Variants in ZC3H6 observed in about 807,000 individuals in gnomAD.
ZC3H6 encodes zinc finger CCCH-type containing 6, also known as zinc finger CCCH domain-containing protein 6.
In ZC3H6, 40 loss-of-function variants were observed where a neutral mutation model predicts 107.7. The observed-to-expected ratio is 0.37, with a 90% CI of 0.29 to 0.48. The LOEUF is 0.48. ZC3H6 is among the 20% of genes least tolerant of loss of function. The probability of loss-of-function intolerance (pLI) is 0.98; values close to 1 mark genes in which losing one functional copy is unlikely to be tolerated. For synonymous variants in ZC3H6, 493 were observed against 487.9 expected, an observed-to-expected ratio of 1.01 and a Z score of -0.14; for missense variants, 1,267 against 1,410.4, an observed-to-expected ratio of 0.90 and a Z score of 1.63.
chr2:112,278,357 G>C (rs946302794), intron 1 of ZC3H6, among the ~76,000 whole-genome samples: 1 of 152,030 alleles, frequency 6.6e-6, no homozygotes, highest in East Asian at 1.9e-4. Context: ...TCGCTCTGTC[G>C]CCCAGGCTGG....
At chr2:112,314,373 T>A (rs546973686) in intron 5 of ZC3H6, among the ~76,000 whole-genome samples, 1 of 152,302 alleles carries the variant, frequency 6.6e-6, no homozygotes, top group Admixed American at 6.5e-5. Context: ...TTGATTATAG[T>A]CAGGTTTCCC....
intron 1 of ZC3H6, among the ~76,000 whole-genome samples, chr2:112,291,845 G>T (rs1403167341): frequency 2.0e-5 from 3 of 152,038 alleles, no homozygotes; most frequent in African/African-American, 7.2e-5. Context: ...CACCTCCCAA[G>T]TAGTTGGGAC....
rs990620766 is a variant in ZC3H6 at position 112,275,642 on chromosome 2, G to A, written c.-353G>A. On this transcript the variant is annotated 5_prime_UTR_variant, in exon 1 of 12. Coordinates refer to ENST00000409871, the MANE Select transcript of ZC3H6 (RefSeq NM_198581.3). Reference sequence around the variant, plus strand: ...GTTTCGGGTGCCGCCATGTTGGTGAGGAGAAATCACCGTTACGGCCACTGT... The same window carrying A: ...GTTTCGGGTGCCGCCATGTTGGTGAAGAGAAATCACCGTTACGGCCACTGT... The A allele has an allele frequency of 2.7e-5, 11 of 402,392 alleles. No homozygotes were observed. The highest frequency in any genetic ancestry group is 1.6e-4 in the African/African-American group (8 of 48,628). 24.9% of individuals were successfully genotyped at this position (402,392 alleles called of 1,614,324 possible).
In ZC3H6 at chr2:112,316,573, G is replaced by T. The variant is rs1387032454; in HGVS notation, c.851G>T (p.Gly284Val). 1 of 1,595,462 alleles carries T rather than the reference G, an allele frequency of 6.3e-7. No individual in the cohort carries two copies. The highest frequency in any genetic ancestry group is 1.3e-5 in the African/African-American group (1 of 74,198). ...CAAATCTGTAAATACTTCCTGGAAG[G>T]GAGGTGTATTAAGGTAAATTTATAG... ...GKQICKYFLE[G>V]RCIKGDQCKF... The change falls in exon 6 of 12, where the codon GGG becomes GTG. Residue 284 changes from glycine to valine, a missense_variant. This residue lies in a region of ZC3H6 where 337 missense variants were observed against 361.2 expected (regional missense o/e 0.93). Transcript: ENST00000409871.
rs1241807779 is a variant in ZC3H6, at chr2:112,336,771, A to C, written c.*4283A>C. 2.6e-5 allele frequency: 4 copies of C among 152,228 alleles called. No homozygotes were observed. The highest frequency in any genetic ancestry group is 5.9e-5 in the Non-Finnish European group (4 of 68,046). 9.4% of individuals were successfully genotyped at this position (152,228 alleles called of 1,614,324 possible). A position where few individuals can be genotyped will look rare whatever the true frequency, so the allele number is the denominator to read the frequency against. On this transcript the variant is annotated 3_prime_UTR_variant, in exon 12 of 12. Transcript: ENST00000409871. ...TCCTGGAAAGGATACAGACCCAAGA[A>C]AAGTTAACATCTACATAGTACTTAG... is the stretch of plus-strand genomic sequence containing the variant.
At chr2:112,288,674 A>C (rs1686656176) in intron 1 of ZC3H6, among the ~76,000 whole-genome samples, 1 of 152,222 alleles carries the variant, frequency 6.6e-6, no homozygotes, top group Admixed American at 6.5e-5. Context: ...ATGCCACTTA[A>C]GTTTAAAGCC....
intron 1 of ZC3H6, among the ~76,000 whole-genome samples, chr2:112,276,292 G>A (rs1686421135): frequency 1.3e-5 from 2 of 149,552 alleles, no homozygotes; most frequent in Non-Finnish European, 3.0e-5. Context: ...CCCGCCCCCC[G>A]GGCGGGCTCC....
intron 11 of ZC3H6, among the ~76,000 whole-genome samples, chr2:112,328,238 G>C (rs1230878678): frequency 6.6e-6 from 1 of 152,074 alleles, no homozygotes; most frequent in Non-Finnish European, 1.5e-5. Context: ...GATTACTATA[G>C]CTCTCTAGTA....
At chr2:112,305,543 A>G (rs1040714539) in intron 3 of ZC3H6, among the ~76,000 whole-genome samples, 9 of 152,220 alleles carry the variant, frequency 5.9e-5, no homozygotes, top group Non-Finnish European at 1.0e-4. Context: ...TTTTGCTTCA[A>G]AAAAATCAGT....
At chr2:112,306,906 G>C (rs192126652) in intron 3 of ZC3H6, among the ~76,000 whole-genome samples, 12 of 152,130 alleles carry the variant, frequency 7.9e-5, no homozygotes, top group Admixed American at 2.0e-4. Flanking sequence ...TGATACTCTC[G>C]GAGCAAATGC....
At chr2:112,294,675 C>G (rs893241873) in intron 1 of ZC3H6, among the ~76,000 whole-genome samples, 6 of 152,122 alleles carry the variant, frequency 3.9e-5, no homozygotes, top group African/African-American at 1.2e-4. Flanking sequence ...GGAGGTAAGA[C>G]TGAATAGTTG....
intron 1 of ZC3H6, among the ~76,000 whole-genome samples, chr2:112,291,521 A>G (rs1274677045): frequency 1.3e-5 from 2 of 152,270 alleles, no homozygotes; most frequent in African/African-American, 4.8e-5. Flanking sequence ...GGCATGAGCC[A>G]CCGCGCCAGG....
At chr2:112,288,540 T>C (rs981319752) in intron 1 of ZC3H6, among the ~76,000 whole-genome samples, 3 of 152,224 alleles carry the variant, frequency 2.0e-5, no homozygotes, top group Non-Finnish European at 2.9e-5. Flanking sequence ...GTTAGAGGGA[T>C]GGCATAATTT....
intron 7 of ZC3H6, among the ~76,000 whole-genome samples, chr2:112,317,642 T>C (rs1180903043): frequency 3.3e-5 from 5 of 152,218 alleles, no homozygotes; most frequent in African/African-American, 4.8e-5. Context: ...ACTTATTTTA[T>C]TCCATAATTA....
At chr2:112,324,039 G>A (rs2104722027) in intron 9 of ZC3H6, 113 bp from the exon 10 acceptor site, 2 of 1,163,926 alleles carry the variant, frequency 1.7e-6, no homozygotes, top group South Asian at 1.9e-5. Context: ...TAAACACACA[G>A]TATTCTATTC....
intron 1 of ZC3H6, among the ~76,000 whole-genome samples, chr2:112,284,205 G>A (rs1686570359): frequency 6.6e-6 from 1 of 152,248 alleles, no homozygotes; most frequent in African/African-American, 2.4e-5. Flanking sequence ...CCATAAGGGA[G>A]GCTGTGAGTT....
intron 3 of ZC3H6, among the ~76,000 whole-genome samples, chr2:112,309,335 C>T (rs1324120311): frequency 6.6e-6 from 1 of 152,170 alleles, no homozygotes; most frequent in Non-Finnish European, 1.5e-5. Context: ...TAAACAGTTT[C>T]TAATAAGCAA....
At chr2:112,290,823 G>T (rs1224191800) in intron 1 of ZC3H6, among the ~76,000 whole-genome samples, 2 of 152,182 alleles carry the variant, frequency 1.3e-5, no homozygotes, top group Non-Finnish European at 2.9e-5. Flanking sequence ...TTTCTTAATT[G>T]AACTTTGGTA....
intron 1 of ZC3H6, among the ~76,000 whole-genome samples, chr2:112,283,677 G>T (rs1412121060): frequency 6.6e-6 from 1 of 152,170 alleles, no homozygotes; most frequent in Non-Finnish European, 1.5e-5. Context: ...ACTTGGAAGG[G>T]CAAATAACTT....
Sources: allele counts gnomAD v4.1 joint callset (sites outside exome capture counted in the v4.1 genomes callset), GRCh38; gene constraint gnomAD v4.1.1; regional missense constraint gnomAD v4.1.1; transcripts MANE v1.5; gene names NCBI Gene and HGNC (gene_info 2026-07-23, HGNC 2026-07-21).